HDAC4: variants seen among roughly 807,000 people sequenced by gnomAD.
HDAC4 encodes histone deacetylase A.
Under a neutral mutation model 135.1 loss-of-function variants are expected in HDAC4, and 16 were observed. The ratio of observed to expected loss-of-function variants is 0.12; its 90% CI spans 0.08 to 0.18. The LOEUF (loss-of-function observed/expected upper bound fraction) is 0.18. Among genes scored for constraint, HDAC4 ranks in the 10% least tolerant of loss-of-function variants. The pLI is 1.00. For missense variants in HDAC4, 1,143 were observed against 1,511.8 expected (o/e 0.76, Z 4.05); for synonymous variants, 685 against 653.4 (o/e 1.05, Z -0.74).
chr2:239,173,708 G>A (rs543096461), intron 5 of HDAC4, among the ~76,000 whole-genome samples: 330 of 152,256 alleles, frequency 2.2e-3, no homozygotes, highest in African/African-American at 7.5e-3. Flanking sequence ...ATTCCAATCA[G>A]AAAAGAGGCA....
At position 239,049,675 on chromosome 2, in the gene HDAC4, C is replaced by G. The variant is rs979395899; in HGVS notation, c.*3422G>C. ...CAGACCATTACGAAATGGTCCTTCC[C>G]CTTGCAAACAGATTTTCAAAAGAAG... On this transcript the variant is annotated 3_prime_UTR_variant, in exon 27 of 27. Transcript: ENST00000543185. The G allele has an allele frequency of 6.6e-6, 1 of 152,440 alleles. No individual in the cohort carries two copies. Among genetic ancestry groups the G allele is most frequent in the African/African-American group, 2.4e-5 (1 of 41,448 alleles). 9.4% of individuals were successfully genotyped at this position (152,440 alleles called of 1,614,324 possible).
intron 19 of HDAC4, among the ~76,000 whole-genome samples, chr2:239,085,487 G>A (rs760926828): frequency 2.6e-5 from 4 of 152,204 alleles, no homozygotes; most frequent in African/African-American, 9.6e-5. Flanking sequence ...GGAGCACAGC[G>A]AAGAGCTGCA....
chr2:239,208,435 A>C (rs2046188405), intron 3 of HDAC4, among the ~76,000 whole-genome samples: 1 of 152,182 alleles, frequency 6.6e-6, no homozygotes, highest in Admixed American at 6.5e-5. Flanking sequence ...GAATGAAAGT[A>C]AGTATATGTT....
intron 2 of HDAC4, among the ~76,000 whole-genome samples, chr2:239,248,990 C>A (rs758487257): frequency 6.6e-6 from 1 of 152,206 alleles, no homozygotes; most frequent in African/African-American, 2.4e-5. Context: ...GGTGATGACA[C>A]GTAAATTAGA....
At chr2:239,096,519 C>G (rs1326141275) in intron 16 of HDAC4, among the ~76,000 whole-genome samples, 15 of 113,214 alleles carry the variant, frequency 1.3e-4, no homozygotes, top group Admixed American at 3.4e-4. Flanking sequence ...CCACACCCCC[C>G]ATGGACGCCA....
chr2:239,088,052 T>C (rs897860180), intron 18 of HDAC4, among the ~76,000 whole-genome samples: 1 of 152,154 alleles, frequency 6.6e-6, no homozygotes, highest in Non-Finnish European at 1.5e-5. Flanking sequence ...GGCAGAGACG[T>C]TGTGTCCCAG....
At chr2:239,162,207 G>A in intron 6 of HDAC4, 1 of 456,714 alleles carries the variant, frequency 2.2e-6, no homozygotes, top group Non-Finnish European at 4.4e-6. Flanking sequence ...GCCCGTGCTT[G>A]CCCCACTCCT....
chr2:239,304,274 G>A (rs1014158259), intron 2 of HDAC4, among the ~76,000 whole-genome samples: 1 of 152,208 alleles, frequency 6.6e-6, no homozygotes, highest in Admixed American at 6.5e-5. Flanking sequence ...GAGCTCGGGG[G>A]AAGGAGTCCA....
chr2:239,264,560 G>A (rs1375431845), intron 2 of HDAC4, among the ~76,000 whole-genome samples: 1 of 152,218 alleles, frequency 6.6e-6, no homozygotes, highest in Non-Finnish European at 1.5e-5. Context: ...TGGGTGAGCC[G>A]AGGCCCTCCT....
rs552455945 is a variant in HDAC4, at chr2:239,134,535, G to A, written c.1087C>T (p.Pro363Ser). The stretch of plus-strand genomic sequence containing the variant: ...CACGGGGGCTGACTTACCGCAGAGG[G>A]GCCGGTGGCAGGCAGGCCCAGCGTG... ...NITLGLPATG[P>S]SAGTAGQQDA... Residue 363 changes from proline (P) to serine (S), a missense_variant, in exon 10 of 27, where the codon CCC (proline) becomes TCC (serine). Pro to Ser is a moderately conservative substitution (Grantham distance 74). Transcript: ENST00000543185. 4 of 1,613,978 alleles carry A rather than the reference G, an allele frequency of 2.5e-6. No homozygotes were observed. Among genetic ancestry groups the A allele is most frequent in the Middle Eastern group, 1.6e-4 (1 of 6,062 alleles).
chr2:239,127,292 T>A (rs1397085049), intron 11 of HDAC4, among the ~76,000 whole-genome samples: 1 of 152,250 alleles, frequency 6.6e-6, no homozygotes, highest in Non-Finnish European at 1.5e-5. Flanking sequence ...AAGATCTGGC[T>A]AATCCCTGCC....
intron 11 of HDAC4, 53 bp downstream of exon 11, chr2:239,134,192 C>T (rs1341763223): frequency 1.4e-6 from 2 of 1,476,316 alleles, no homozygotes; most frequent in Non-Finnish European, 9.4e-7. Context: ...GGGCACCATC[C>T]AGAGCGTGGG....
intron 22 of HDAC4, among the ~76,000 whole-genome samples, chr2:239,072,861 A>G (rs2034338365): frequency 6.6e-6 from 1 of 152,194 alleles, no homozygotes; most frequent in Non-Finnish European, 1.5e-5. Context: ...CTGGTGGTGG[A>G]GGGACACAAC....
chr2:239,394,694 T>G (rs1696450244), intron 1 of HDAC4, among the ~76,000 whole-genome samples: 1 of 152,246 alleles, frequency 6.6e-6, no homozygotes, highest in South Asian at 2.1e-4. Flanking sequence ...TCCAGAGCAC[T>G]GGCAAGAACC....
At chr2:239,111,977 T>A (rs2038717365) in intron 13 of HDAC4, among the ~76,000 whole-genome samples, 2 of 152,154 alleles carry the variant, frequency 1.3e-5, no homozygotes. Context: ...CCACGTGGGA[T>A]CCTGCCATGG....
intron 2 of HDAC4, among the ~76,000 whole-genome samples, chr2:239,300,394 T>A (rs547087896): frequency 6.6e-6 from 1 of 152,318 alleles, no homozygotes; most frequent in Non-Finnish European, 1.5e-5. Flanking sequence ...GGCCACACCA[T>A]CCATGTGTTG....
chr2:239,207,038 C>T (rs1198236399), intron 3 of HDAC4, among the ~76,000 whole-genome samples: 1 of 152,116 alleles, frequency 6.6e-6, no homozygotes, highest in African/African-American at 2.4e-5. Context: ...AGGGACTGCC[C>T]TGGCCTAAGC....
intron 24 of HDAC4, among the ~76,000 whole-genome samples, chr2:239,062,003 G>A (rs922825836): frequency 1.4e-4 from 22 of 152,230 alleles, no homozygotes; most frequent in Non-Finnish European, 2.1e-4. Context: ...ACAGATCCCC[G>A]TGGCCGTCTG....
chr2:239,282,554 CCA>C (rs2050850773), intron 2 of HDAC4, among the ~76,000 whole-genome samples: 1 of 148,378 alleles, frequency 6.7e-6, no homozygotes, highest in Admixed American at 6.7e-5. Context: ...AATGTACACA[CCA>C]CTCTACACAC....
Sources: allele counts gnomAD v4.1 joint callset (sites outside exome capture counted in the v4.1 genomes callset), GRCh38; gene constraint gnomAD v4.1.1; transcripts MANE v1.5; gene names NCBI Gene and HGNC (gene_info 2026-07-23, HGNC 2026-07-21).